ROBO1: variants seen among roughly 807,000 people sequenced by gnomAD.
ROBO1 encodes the protein roundabout guidance receptor 1, also known as roundabout homolog 1.
Under a neutral mutation model 195.9 loss-of-function variants are expected in ROBO1, and 149 were observed. That is an observed-to-expected ratio of 0.76 (90% CI 0.67 to 0.87). The LOEUF (loss-of-function observed/expected upper bound fraction) is 0.87, where lower values mean the gene tolerates loss of function less well. ROBO1 is among the 40% of genes least tolerant of loss of function. The pLI is 0.00. For synonymous variants in ROBO1, 816 were observed against 733.2 expected (o/e 1.11, Z -1.82); for missense variants, 1,933 against 2,068.3 (o/e 0.93, Z 1.27).
intron 8 of ROBO1, among the ~76,000 whole-genome samples, chr3:78,694,608 T>C (rs1169274678): frequency 6.6e-6 from 1 of 152,220 alleles, no homozygotes; most frequent in Non-Finnish European, 1.5e-5. Context: ...AACTTTCTCA[T>C]TTACATAGGC....
At chr3:79,462,781 T>A in intron 2 of ROBO1, among the ~76,000 whole-genome samples, 1 of 152,226 alleles carries the variant, frequency 6.6e-6, no homozygotes, top group East Asian at 1.9e-4. Flanking sequence ...TTTTATCATG[T>A]AGTTAGTATT....
chr3:79,166,810 C>T (rs13082742), intron 2 of ROBO1, among the ~76,000 whole-genome samples: 2,383 of 151,994 alleles, frequency 0.016, 24 homozygotes, highest in Non-Finnish European at 0.023. Flanking sequence ...CTCGTTGATC[C>T]GCTATTTTTC....
chr3:79,558,451 G>T (rs903217995), intron 2 of ROBO1, among the ~76,000 whole-genome samples: 1 of 152,056 alleles, frequency 6.6e-6, no homozygotes, highest in Non-Finnish European at 1.5e-5. Context: ...TGTATGAATC[G>T]AGTGTTTATG....
chr3:79,203,775 A>G (rs2081812226), intron 2 of ROBO1, among the ~76,000 whole-genome samples: 1 of 152,186 alleles, frequency 6.6e-6, no homozygotes, highest in Non-Finnish European at 1.5e-5. Flanking sequence ...CCAGAGGTGC[A>G]GAGGATTAGG....
At chr3:79,455,560 G>T (rs1575848264) in intron 2 of ROBO1, among the ~76,000 whole-genome samples, 1 of 152,130 alleles carries the variant, frequency 6.6e-6, no homozygotes, top group East Asian at 1.9e-4. Context: ...TCCTTCATGT[G>T]TGCTATTATA....
intron 4 of ROBO1, among the ~76,000 whole-genome samples, chr3:78,889,311 A>G (rs557361546): frequency 1.3e-5 from 2 of 152,238 alleles, no homozygotes; most frequent in Non-Finnish European, 2.9e-5. Context: ...GGAACATGTC[A>G]GGGGAACCCT....
intron 2 of ROBO1, among the ~76,000 whole-genome samples, chr3:79,352,573 G>A (rs142957113): frequency 1.5e-3 from 227 of 152,170 alleles, no homozygotes; most frequent in African/African-American, 5.3e-3. Context: ...AGAGCTTCAC[G>A]TAACCACCAT....
intron 1 of ROBO1, among the ~76,000 whole-genome samples, chr3:79,721,321 G>A (rs1702690819): frequency 6.8e-6 from 1 of 146,990 alleles, no homozygotes; most frequent in Admixed American, 6.9e-5. Context: ...TAGGACATTT[G>A]ATATAAACTT....
intron 2 of ROBO1, among the ~76,000 whole-genome samples, chr3:79,148,605 AT>A (rs1393450507): frequency 1.3e-5 from 2 of 151,870 alleles, no homozygotes; most frequent in African/African-American, 4.8e-5. Context: ...AATAGTCTAT[AT>A]TGAGTGGGAA....
intron 2 of ROBO1, among the ~76,000 whole-genome samples, chr3:79,554,874 T>A (rs1942643183): frequency 6.6e-6 from 1 of 152,080 alleles, no homozygotes; most frequent in Non-Finnish European, 1.5e-5. Context: ...CTGTGAGAAG[T>A]AACACAGAAT....
intron 1 of ROBO1, among the ~76,000 whole-genome samples, chr3:79,734,959 G>A (rs968262954): frequency 1.2e-4 from 19 of 152,200 alleles, no homozygotes; most frequent in Non-Finnish European, 2.2e-4. Context: ...ATTCTAACAC[G>A]TAGCAAAGTT....
At chr3:79,675,827 A>G (rs779814955) in intron 1 of ROBO1, among the ~76,000 whole-genome samples, 6 of 152,086 alleles carry the variant, frequency 3.9e-5, no homozygotes, top group Non-Finnish European at 8.8e-5. Context: ...AATAATGCAA[A>G]TTCTGAAGAC....
chr3:78,632,612 A>C (rs928301733), intron 24 of ROBO1, among the ~76,000 whole-genome samples: 2 of 152,112 alleles, frequency 1.3e-5, no homozygotes, highest in African/African-American at 4.8e-5. Flanking sequence ...TTCCCTAATT[A>C]CCATCACGCA....
chr3:79,557,311 G>A (rs79355240), intron 2 of ROBO1, among the ~76,000 whole-genome samples: 2,374 of 152,016 alleles, frequency 0.016, 29 homozygotes, highest in Non-Finnish European at 0.025. Context: ...TTATTTATCC[G>A]TGTAAATACA....
chr3:79,628,443 A>G (rs950647802), intron 1 of ROBO1, among the ~76,000 whole-genome samples: 7 of 152,088 alleles, frequency 4.6e-5, no homozygotes, highest in African/African-American at 1.4e-4. Flanking sequence ...TGAGAACACA[A>G]GGACACAGAG....
At chr3:79,471,725 C>A (rs1401881021) in intron 2 of ROBO1, among the ~76,000 whole-genome samples, 1 of 152,014 alleles carries the variant, frequency 6.6e-6, no homozygotes, top group Non-Finnish European at 1.5e-5. Flanking sequence ...GAAAATGTAG[C>A]ACATATACAC....
chr3:78,769,617 G>GTT (rs1559836189), intron 4 of ROBO1, among the ~76,000 whole-genome samples: 1 of 72,924 alleles, frequency 1.4e-5, no homozygotes, highest in African/African-American at 4.6e-5. Context: ...AGTGTACTTT[G>GTT]GTTTTTTTTT....
intron 1 of ROBO1, among the ~76,000 whole-genome samples, chr3:79,670,038 G>A (rs1230546923): frequency 4.0e-5 from 6 of 151,712 alleles, no homozygotes; most frequent in Admixed American, 1.3e-4. Flanking sequence ...TTAAAAACTC[G>A]TCAATATTTG....
intron 2 of ROBO1, among the ~76,000 whole-genome samples, chr3:79,520,975 A>G (rs535595643): frequency 6.6e-6 from 1 of 152,368 alleles, no homozygotes; most frequent in South Asian, 2.1e-4. Context: ...GAAATTATCT[A>G]GACCACAACT....
Sources: gnomAD v4.1 joint callset for allele counts (sites outside exome capture counted in the v4.1 genomes callset) on GRCh38, gnomAD v4.1.1 for gene constraint, MANE v1.5 for transcripts, NCBI Gene and HGNC (gene_info 2026-07-23, HGNC 2026-07-21) for gene names.